The following NCAM2 variants were observed in gnomAD, a reference collection of about 807,000 sequenced individuals.
The protein encoded by NCAM2 is N-CAM-2.
A neutral mutation model predicts 98.1 loss-of-function variants in NCAM2; 30 were observed. The observed-to-expected ratio is 0.31, with a 90% CI of 0.23 to 0.41. The LOEUF is 0.41. Ranked by LOEUF, NCAM2 falls within the 10% of genes least tolerant of loss-of-function variation. The probability of loss-of-function intolerance (pLI) is 1.00; values close to 1 mark genes in which losing one functional copy is unlikely to be tolerated. For synonymous variants in NCAM2, 368 were observed against 342.4 expected (o/e 1.07, Z -0.83); for missense variants, 867 against 1,005.8 (o/e 0.86, Z 1.87).
At chr21:21,136,673 G>A (rs75031566) in intron 1 of NCAM2, among the ~76,000 whole-genome samples, 61,098 of 148,380 alleles carry the variant, frequency 0.41, 13,273 homozygotes, top group African/African-American at 0.54. Context: ...TCACCGTTCT[G>A]CCCAGGCTGG....
intron 15 of NCAM2, among the ~76,000 whole-genome samples, chr21:21,504,921 C>A (rs1307661454): frequency 6.6e-6 from 1 of 151,670 alleles, no homozygotes; most frequent in Non-Finnish European, 1.5e-5. Flanking sequence ...AAGCATTTAT[C>A]TTTCGTGTTA....
At chr21:21,028,806 G>A (rs2064608584) in intron 1 of NCAM2, among the ~76,000 whole-genome samples, 3 of 152,126 alleles carry the variant, frequency 2.0e-5, no homozygotes, top group East Asian at 1.9e-4. Context: ...ACACCTGGTC[G>A]TATTTAACAT....
intron 14 of NCAM2, among the ~76,000 whole-genome samples, chr21:21,472,259 G>A (rs554942034): frequency 6.6e-6 from 1 of 151,980 alleles, no homozygotes; most frequent in Non-Finnish European, 1.5e-5. Flanking sequence ...GCATTTGTAA[G>A]TCTTAATTGA....
chr21:21,099,092 A>G (rs2066184768), intron 1 of NCAM2, among the ~76,000 whole-genome samples: 1 of 151,908 alleles, frequency 6.6e-6, no homozygotes, highest in Admixed American at 6.6e-5. Flanking sequence ...AGTGTTAGAC[A>G]TTATCCACGG....
intron 4 of NCAM2, among the ~76,000 whole-genome samples, chr21:21,290,723 C>G (rs1426241731): frequency 6.6e-6 from 1 of 151,810 alleles, no homozygotes; most frequent in East Asian, 1.9e-4. Flanking sequence ...AAACAAAAAG[C>G]AACTACAGGC....
intron 5 of NCAM2, among the ~76,000 whole-genome samples, chr21:21,316,097 A>T (rs1400954670): frequency 6.6e-6 from 1 of 152,090 alleles, no homozygotes; most frequent in Non-Finnish European, 1.5e-5. Context: ...ACACTTTAGG[A>T]TTCTTACTGC....
At chr21:21,367,247 A>T (rs1024189339) in intron 8 of NCAM2, among the ~76,000 whole-genome samples, 1 of 151,708 alleles carries the variant, frequency 6.6e-6, no homozygotes, top group Non-Finnish European at 1.5e-5. Context: ...GATTTTTTTT[A>T]TAGATTTAGG....
intron 5 of NCAM2, among the ~76,000 whole-genome samples, chr21:21,292,658 A>G (rs2073339677): frequency 6.6e-6 from 1 of 151,922 alleles, no homozygotes; most frequent in Non-Finnish European, 1.5e-5. Context: ...TACAAGTATT[A>G]ATGGACATTA....
chr21:21,471,543 G>A (rs536942091), intron 14 of NCAM2, among the ~76,000 whole-genome samples: 165 of 151,932 alleles, frequency 1.1e-3, no homozygotes, highest in Non-Finnish European at 1.8e-3. Flanking sequence ...AGTACATAGA[G>A]GAATCTGGAA....
chr21:21,271,919 A>G (rs2072516253), intron 1 of NCAM2, among the ~76,000 whole-genome samples: 1 of 152,138 alleles, frequency 6.6e-6, no homozygotes. Context: ...GGGGAGGGAT[A>G]GCATTAGGAG....
intron 12 of NCAM2, among the ~76,000 whole-genome samples, chr21:21,466,062 G>C (rs974209983): frequency 1.3e-5 from 2 of 151,988 alleles, no homozygotes; most frequent in Non-Finnish European, 2.9e-5. Flanking sequence ...CAAGTTATGA[G>C]TAGGCTTCAA....
chr21:21,228,407 G>C, intron 1 of NCAM2, among the ~76,000 whole-genome samples: 1 of 151,294 alleles, frequency 6.6e-6, no homozygotes, highest in East Asian at 1.9e-4. Context: ...TGTGTTGTTT[G>C]TTATTGCAGT....
At chr21:21,336,714 T>C (rs577886574) in intron 7 of NCAM2, among the ~76,000 whole-genome samples, 1 of 152,242 alleles carries the variant, frequency 6.6e-6, no homozygotes, top group South Asian at 2.1e-4. Flanking sequence ...TAGAGAGATA[T>C]TTATAAAGCT....
At chr21:21,307,398 A>G (rs1359763961) in intron 5 of NCAM2, among the ~76,000 whole-genome samples, 5 of 152,208 alleles carry the variant, frequency 3.3e-5, no homozygotes, top group Non-Finnish European at 7.3e-5. Flanking sequence ...TACATTAATC[A>G]TAAAACTCAT....
At chr21:21,359,214 C>G (rs2075577512) in intron 8 of NCAM2, among the ~76,000 whole-genome samples, 1 of 151,766 alleles carries the variant, frequency 6.6e-6, no homozygotes. Flanking sequence ...ACTAGTGCCC[C>G]AAGAGCAATA....
At chr21:21,070,277 A>T (rs896017401) in intron 1 of NCAM2, among the ~76,000 whole-genome samples, 5 of 150,172 alleles carry the variant, frequency 3.3e-5, no homozygotes, top group Non-Finnish European at 5.9e-5. Flanking sequence ...GTATATATAT[A>T]TATATATATA....
intron 1 of NCAM2, among the ~76,000 whole-genome samples, chr21:21,063,374 G>T (rs1382455894): frequency 6.6e-6 from 1 of 151,518 alleles, no homozygotes. Context: ...GCATGCGCCA[G>T]CACGCCTGGC....
At chr21:21,154,041 T>C (rs960590981) in intron 1 of NCAM2, among the ~76,000 whole-genome samples, 4 of 151,676 alleles carry the variant, frequency 2.6e-5, no homozygotes, top group Non-Finnish European at 5.9e-5. Context: ...AGAGAAGAGG[T>C]CATATTATTT....
At chr21:21,132,041 A>G (rs1421378137) in intron 1 of NCAM2, among the ~76,000 whole-genome samples, 1 of 152,212 alleles carries the variant, frequency 6.6e-6, no homozygotes, top group Non-Finnish European at 1.5e-5. Flanking sequence ...AGCATCTGTT[A>G]CTTCTCAAAG....
Sources: allele counts gnomAD v4.1 joint callset (sites outside exome capture counted in the v4.1 genomes callset), GRCh38; gene constraint gnomAD v4.1.1; transcripts MANE v1.5; gene names NCBI Gene and HGNC (gene_info 2026-07-23, HGNC 2026-07-21).